Variants in DDAH1 observed in about 807,000 individuals in gnomAD.
DDAH1 encodes the protein N(G),N(G)-dimethylarginine dimethylaminohydrolase 1.
Under a neutral mutation model 28.8 loss-of-function variants are expected in DDAH1, and 19 were observed. The observed-to-expected ratio is 0.66, with a 90% CI of 0.46 to 0.97. The LOEUF (loss-of-function observed/expected upper bound fraction) is 0.97, where lower values mean the gene tolerates loss of function less well. DDAH1 is among the 50% of genes least tolerant of loss of function. DDAH1 has a pLI of 0.00. For synonymous variants in DDAH1, 153 were observed against 154.4 expected (o/e 0.99, Z 0.07); for missense variants, 326 against 375.9 (o/e 0.87, Z 1.10).
intron 1 of DDAH1, among the ~76,000 whole-genome samples, chr1:85,396,125 T>C (rs1261877563): frequency 6.6e-6 from 1 of 152,160 alleles, no homozygotes; most frequent in Non-Finnish European, 1.5e-5. Flanking sequence ...TTCAAACACT[T>C]GATCAAAAAT....
chr1:85,413,954 A>T (rs1652772442), intron 1 of DDAH1, among the ~76,000 whole-genome samples: 1 of 152,238 alleles, frequency 6.6e-6, no homozygotes, highest in Non-Finnish European at 1.5e-5. Context: ...GATTTTAGAT[A>T]TTGTTTAAAA....
chr1:85,334,518 G>A (rs1056765536), intron 4 of DDAH1, among the ~76,000 whole-genome samples: 2 of 152,144 alleles, frequency 1.3e-5, no homozygotes, highest in African/African-American at 2.4e-5. Context: ...TTGGTCATGG[G>A]GGCAGATTTC....
intron 4 of DDAH1, among the ~76,000 whole-genome samples, chr1:85,347,614 C>T (rs1486905138): frequency 2.7e-5 from 4 of 146,572 alleles, no homozygotes; most frequent in Non-Finnish European, 4.5e-5. Flanking sequence ...CGGGGCCTGT[C>T]GTGGGATGGG....
chr1:85,563,905 G>A (rs1436622580), intron 1 of DDAH1, among the ~76,000 whole-genome samples: 2 of 152,214 alleles, frequency 1.3e-5, no homozygotes, highest in African/African-American at 2.4e-5. Flanking sequence ...TGGGCGTGAT[G>A]GCTCACGCCT....
intron 1 of DDAH1, among the ~76,000 whole-genome samples, chr1:85,392,811 A>AAAG (rs1651622504): frequency 7.2e-6 from 1 of 139,726 alleles, no homozygotes; most frequent in Non-Finnish European, 1.5e-5. Flanking sequence ...AAAAAAAAAA[A>AAAG]AAAAAAGAAA....
At chr1:85,531,335 T>G (rs1387595232) in intron 1 of DDAH1, among the ~76,000 whole-genome samples, 5 of 152,012 alleles carry the variant, frequency 3.3e-5, no homozygotes, top group Admixed American at 3.3e-4. Flanking sequence ...TTCCTCATAA[T>G]GTAAAAAGGG....
intron 1 of DDAH1, among the ~76,000 whole-genome samples, chr1:85,564,486 G>A (rs754610019): frequency 1.1e-4 from 16 of 152,072 alleles, no homozygotes; most frequent in African/African-American, 3.1e-4. Flanking sequence ...TTTAAATTTC[G>A]TGAAAAATTT....
chr1:85,342,642 T>C (rs3768226), intron 4 of DDAH1, among the ~76,000 whole-genome samples: 26,979 of 152,208 alleles, frequency 0.18, 2,898 homozygotes, highest in Middle Eastern at 0.27. Flanking sequence ...TTTCTATGGC[T>C]TTAATTTGAA....
chr1:85,370,087 T>C (rs1422424403), intron 1 of DDAH1, among the ~76,000 whole-genome samples: 1 of 152,206 alleles, frequency 6.6e-6, no homozygotes, highest in African/African-American at 2.4e-5. Flanking sequence ...AGAATGTGAC[T>C]GCCTTTAGAG....
chr1:85,397,417 A>C (rs1022203725), intron 1 of DDAH1, among the ~76,000 whole-genome samples: 1 of 152,214 alleles, frequency 6.6e-6, no homozygotes, highest in Non-Finnish European at 1.5e-5. Flanking sequence ...GATCAAACAG[A>C]GCAAGAATTA....
chr1:85,404,315 A>C, intron 1 of DDAH1: 1 of 1,474,556 alleles, frequency 6.8e-7, no homozygotes, highest in South Asian at 1.2e-5. Context: ...TGCCTGTAGG[A>C]TTGCAGTTGA....
chr1:85,495,386 C>A (rs992592627), intron 2 of DDAH1: 5 of 152,084 alleles, frequency 3.3e-5, no homozygotes, highest in African/African-American at 1.2e-4. Flanking sequence ...AGCATTTGTA[C>A]ATTAAAAATA....
intron 1 of DDAH1, among the ~76,000 whole-genome samples, chr1:85,362,652 C>G (rs540974451): frequency 6.6e-6 from 1 of 152,284 alleles, no homozygotes; most frequent in East Asian, 1.9e-4. Flanking sequence ...CTCTGAGTCT[C>G]AGTTTCTTGA....
intron 1 of DDAH1, among the ~76,000 whole-genome samples, chr1:85,405,154 T>C (rs1652346286): frequency 6.6e-6 from 1 of 152,206 alleles, no homozygotes; most frequent in African/African-American, 2.4e-5. Flanking sequence ...TACTGTATCC[T>C]AACAGCAGAC....
At chr1:85,360,962 T>C (rs1649764017) in intron 1 of DDAH1, among the ~76,000 whole-genome samples, 1 of 152,242 alleles carries the variant, frequency 6.6e-6, no homozygotes, top group Non-Finnish European at 1.5e-5. Flanking sequence ...GATAGGTCCA[T>C]ACCACACATG....
At chr1:85,459,424 C>T (rs1655034830) in intron 1 of DDAH1, among the ~76,000 whole-genome samples, 1 of 152,118 alleles carries the variant, frequency 6.6e-6, no homozygotes, top group African/African-American at 2.4e-5. Context: ...CAGGAAGAGA[C>T]TACATTATTG....
intron 1 of DDAH1, among the ~76,000 whole-genome samples, chr1:85,562,445 A>C (rs1312852459): frequency 2.0e-5 from 3 of 152,214 alleles, no homozygotes; most frequent in Non-Finnish European, 2.9e-5. Flanking sequence ...CCAAAAAGAT[A>C]GGTTGAAATC....
chr1:85,423,743 C>T (rs954047559), intron 1 of DDAH1, among the ~76,000 whole-genome samples: 5 of 152,074 alleles, frequency 3.3e-5, no homozygotes, highest in African/African-American at 9.7e-5. Flanking sequence ...CAAAAAATAG[C>T]TTAATTTCTT....
chr1:85,435,327 T>G (rs897865340), intron 1 of DDAH1: 3 of 152,214 alleles, frequency 2.0e-5, no homozygotes, highest in Non-Finnish European at 4.4e-5. Flanking sequence ...TGCCTTGAGA[T>G]TTCTAATTAA....
Sources: gnomAD v4.1 joint callset for allele counts (sites outside exome capture counted in the v4.1 genomes callset) on GRCh38, gnomAD v4.1.1 for gene constraint, MANE v1.5 for transcripts, NCBI Gene and HGNC (gene_info 2026-07-23, HGNC 2026-07-21) for gene names.